CIRSR: variants seen among roughly 807,000 people sequenced by gnomAD.
CIRSR encodes CBF1 (RBPJ) interacting corepressor 1.
the CIRSR span, chr2:174,351,527 A>AT: frequency 1.0e-6 from 1 of 986,018 alleles, no homozygotes. Context: ...TCCTATGGAT[A>AT]TATGCATATT....
At chr2:174,393,772 A>G in the CIRSR span, among the ~76,000 whole-genome samples, 4 of 152,148 alleles carry the variant, frequency 2.6e-5, no homozygotes, top group East Asian at 7.7e-4. Flanking sequence ...TTTGGTGACA[A>G]GTATATCCCT....
the CIRSR span, among the ~76,000 whole-genome samples, chr2:174,372,971 T>C: frequency 6.6e-6 from 1 of 152,232 alleles, no homozygotes; most frequent in African/African-American, 2.4e-5. Context: ...TTCATGACTT[T>C]GTAATAAGTA....
chr2:174,351,544 CATT>C, the CIRSR span: 46 of 1,240,894 alleles, frequency 3.7e-5, 1 homozygote, highest in Non-Finnish European at 5.0e-5. Context: ...TATTGGAAAA[CATT>C]AAGTAGCAAT....
chr2:174,371,281 AGTT>A, the CIRSR span, among the ~76,000 whole-genome samples: 1 of 152,230 alleles, frequency 6.6e-6, no homozygotes, highest in African/African-American at 2.4e-5. Context: ...TGCAAATTAT[AGTT>A]CACGAAAGTT....
the CIRSR span, among the ~76,000 whole-genome samples, chr2:174,389,718 C>G: frequency 6.6e-6 from 1 of 152,176 alleles, no homozygotes; most frequent in Non-Finnish European, 1.5e-5. Flanking sequence ...GGCCTGGAGG[C>G]CTAGGAGAAG....
chr2:174,349,118 C>T, the CIRSR span: 1 of 1,505,924 alleles, frequency 6.6e-7, no homozygotes, highest in Non-Finnish European at 8.8e-7. Context: ...TCTTCTGAAA[C>T]TTTTTCTTTT....
At chr2:174,389,360 C>A in the CIRSR span, among the ~76,000 whole-genome samples, 12 of 152,136 alleles carry the variant, frequency 7.9e-5, no homozygotes, top group African/African-American at 1.9e-4. Context: ...AGATGGGAAA[C>A]CTTTTGGGAA....
At chr2:174,394,652 G>A in the CIRSR span, among the ~76,000 whole-genome samples, 1 of 152,152 alleles carries the variant, frequency 6.6e-6, no homozygotes, top group South Asian at 2.1e-4. Flanking sequence ...AGACTCCTTA[G>A]GAAGGTAACA....
chr2:174,349,216 T>TC, the CIRSR span: 1 of 1,012,908 alleles, frequency 9.9e-7, no homozygotes, highest in Non-Finnish European at 1.4e-6. Flanking sequence ...TGAAAAACAG[T>TC]TATTTCATCA....
At chr2:174,388,878 A>T in the CIRSR span, among the ~76,000 whole-genome samples, 22 of 152,106 alleles carry the variant, frequency 1.4e-4, no homozygotes, top group Admixed American at 6.6e-5. Flanking sequence ...TGCTGTTCTC[A>T]TGACAGTGGG....
the CIRSR span, among the ~76,000 whole-genome samples, chr2:174,386,401 C>T: frequency 2.0e-5 from 3 of 152,166 alleles, no homozygotes; most frequent in African/African-American, 7.2e-5. Flanking sequence ...AGGCTGGTCT[C>T]GAACTCCCGA....
the CIRSR span, chr2:174,380,934 T>C: frequency 1.3e-6 from 1 of 789,150 alleles, no homozygotes; most frequent in South Asian, 2.3e-5. Context: ...TAAGAATTCA[T>C]TGGTTTGACT....
At chr2:174,380,295 T>A in the CIRSR span, 86 of 1,408,294 alleles carry the variant, frequency 6.1e-5, no homozygotes, top group South Asian at 6.4e-4. Context: ...AAGAATAATT[T>A]AAAAAATTAA....
chr2:174,354,536 A>AT, the CIRSR span, among the ~76,000 whole-genome samples: 14 of 63,128 alleles, frequency 2.2e-4, no homozygotes, highest in Admixed American at 6.2e-4. Context: ...TATATATTAT[A>AT]TAATATATAT....
At chr2:174,380,314 T>C in the CIRSR span, 1 of 1,184,168 alleles carries the variant, frequency 8.4e-7, no homozygotes, top group Non-Finnish European at 1.2e-6. Flanking sequence ...AAACAGCAGT[T>C]AATCAGAAAA....
At chr2:174,353,753 AC>A in the CIRSR span, among the ~76,000 whole-genome samples, 1 of 152,180 alleles carries the variant, frequency 6.6e-6, no homozygotes, top group Non-Finnish European at 1.5e-5. Flanking sequence ...GCCGTGAGCC[AC>A]CGCGCCCGGC....
At chr2:174,378,551 A>G in the CIRSR span, 3 of 232,606 alleles carry the variant, frequency 1.3e-5, no homozygotes, top group Non-Finnish European at 1.7e-5. Flanking sequence ...CTAAAAAGAG[A>G]TGGCTGCTGA....
At chr2:174,353,312 T>C in the CIRSR span, among the ~76,000 whole-genome samples, 29 of 152,368 alleles carry the variant, frequency 1.9e-4, no homozygotes, top group African/African-American at 6.5e-4. Context: ...TTTTCTTCTA[T>C]ACAAAATGTT....
At chr2:174,380,975 G>T in the CIRSR span, among the ~76,000 whole-genome samples, 1 of 152,054 alleles carries the variant, frequency 6.6e-6, no homozygotes, top group African/African-American at 2.4e-5. Flanking sequence ...TAAAAATTCA[G>T]ACTATTGCAG....
Sources: gnomAD v4.1 joint callset for allele counts (sites outside exome capture counted in the v4.1 genomes callset) on GRCh38, gnomAD v4.1.1 for gene constraint, MANE v1.5 for transcripts, NCBI Gene and HGNC (gene_info 2026-07-23, HGNC 2026-07-21) for gene names.